The following DST variants were observed in gnomAD, a reference collection of about 807,000 sequenced individuals.
The protein encoded by DST is dystonin, also known as bullous pemphigoid antigen.
DST carries 253 observed loss-of-function variants against 875.2 expected under a neutral mutation model. That is an observed-to-expected ratio of 0.29 (90% confidence interval 0.26 to 0.32). The LOEUF (loss-of-function observed/expected upper bound fraction) is 0.32, where lower values mean the gene tolerates loss of function less well. Among genes scored for constraint, DST ranks in the 10% least tolerant of loss-of-function variants. The pLI, the probability that DST is intolerant of heterozygous loss-of-function variation, is 1.00. For synonymous variants in DST, 3,124 were observed against 3,197.1 expected, an observed-to-expected ratio of 0.98 and a Z score of 0.77; for missense variants, 8,287 against 9,111.6, an observed-to-expected ratio of 0.91 and a Z score of 3.68.
chr6:56,540,797 T>A (rs746359521), intron 61 of DST: 5 of 152,766 alleles, frequency 3.3e-5, no homozygotes, highest in Non-Finnish European at 5.9e-5. Flanking sequence ...TGGAGAAACA[T>A]CATGTAAAAT....
At chr6:56,807,190 AGAG>A (rs1289007643) in intron 4 of DST, among the ~76,000 whole-genome samples, 2 of 151,990 alleles carry the variant, frequency 1.3e-5, no homozygotes, top group Non-Finnish European at 2.9e-5. Context: ...AGCCTGGACT[AGAG>A]GTGTGTGTTT....
chr6:56,889,937 G>A lies in DST; in HGVS notation c.417+10484C>T, dbSNP rs138156518. On this transcript the variant is annotated intron_variant, in intron 3 of 103. Transcript: ENST00000680361. ...CTATGGTTTTCAATACCATTTTAAA[G>A]ATAGGTTTTAATTGATGTAATAGTT... Among the ~76,000 whole-genome samples, 354 of 152,304 alleles carry A rather than the reference G, an allele frequency of 2.3e-3. 4 individuals carry two copies. The highest frequency in any genetic ancestry group is 0.014 in the Middle Eastern group (4 of 294).
chr6:56,851,173 G>A (rs923289725), intron 4 of DST: 135 of 545,910 alleles, frequency 2.5e-4, no homozygotes, highest in African/African-American at 2.5e-3. Context: ...GAATCGATTC[G>A]TCCAACCAGA....
rs562013952 is a variant in DST at position 56,815,935 on chromosome 6, T to C, written c.625+35462A>G. ...GACACAAAGATGATTTCATACAATT[T>C]GGGTATCTGATAACAAAATGATGAA... On this transcript the variant is annotated intron_variant, in intron 4 of 103. Coordinates refer to ENST00000680361, the MANE Select transcript of DST (RefSeq NM_001374736.1). Among the ~76,000 whole-genome samples, 36 of 152,290 alleles carry C rather than the reference T, an allele frequency of 2.4e-4. 1 individual carries two copies. The South Asian group carries it at 7.5e-3, about 32-fold the overall frequency.
intron 67 of DST, among the ~76,000 whole-genome samples, chr6:56,528,595 G>C (rs1162741828): frequency 6.6e-6 from 1 of 152,166 alleles, no homozygotes; most frequent in African/African-American, 2.4e-5. Flanking sequence ...GAGCTCCTGT[G>C]CCAAAGTGCT....
chr6:56,863,734 C>T (rs1460293194), intron 3 of DST: 1 of 152,116 alleles, frequency 6.6e-6, no homozygotes, highest in East Asian at 1.9e-4. Context: ...TATCTGTGTC[C>T]ATAAAACAAT....
At position 56,607,314 on chromosome 6, in the gene DST, C is replaced by A. The variant is rs1201123624; in HGVS notation, c.7314G>T (p.Leu2438Phe). The A allele has an allele frequency of 1.2e-6, 2 of 1,613,310 alleles. No individual in the cohort carries two copies. The highest frequency in any genetic ancestry group is 4.5e-5 in the East Asian group (2 of 44,872). The change falls in exon 40 of 104, where the codon TTG becomes TTT. Residue 2438 changes from leucine (L) to phenylalanine (F), a missense_variant. By Grantham distance (22) the Leu-to-Phe change is conservative. Transcript: ENST00000680361. ...TGTGCATCAATTTATCATGACTTAA[C>A]AAGGCACTTAGCCTGGGGGAATAGT... Reference protein sequence around the residue: ...IFDYSPRLSALLSHDKLMHSQ... With the variant: ...IFDYSPRLSAFLSHDKLMHSQ...
intron 5 of DST, among the ~76,000 whole-genome samples, chr6:56,717,162 A>G (rs1011563238): frequency 6.6e-6 from 1 of 151,566 alleles, no homozygotes; most frequent in Admixed American, 6.6e-5. Flanking sequence ...CAGCCTGTGC[A>G]ACAGAGCGAG....
intron 4 of DST, among the ~76,000 whole-genome samples, chr6:56,825,979 A>G (rs2099779978): frequency 6.6e-6 from 1 of 152,260 alleles, no homozygotes; most frequent in Non-Finnish European, 1.5e-5. Context: ...AACACTATAT[A>G]TAATTTATTA....
At position 56,785,095 on chromosome 6, in the gene DST, T is replaced by C. The variant is rs140121804; in HGVS notation, c.626-49806A>G. Reference sequence around the variant, plus strand: ...TGATCGTTCCTCTGGAAGTTTTGTCTCAGAGGAGTACCCGGCCGTGCGAGG... The same window carrying C: ...TGATCGTTCCTCTGGAAGTTTTGTCCCAGAGGAGTACCCGGCCGTGCGAGG... On this transcript the variant is annotated intron_variant, in intron 4 of 103. Coordinates refer to ENST00000680361, the MANE Select transcript of DST (RefSeq NM_001374736.1). 8.1e-3 allele frequency among the ~76,000 whole-genome samples: 1,234 copies of C among 152,252 alleles called. 23 individuals are homozygous for C. Among genetic ancestry groups the C allele is most frequent in the East Asian group, 0.019 (100 of 5,174 alleles).
chr6:56,904,275 C>T lies in DST; in HGVS notation c.217-3654G>A, dbSNP rs1795387476. 2.0e-5 allele frequency among the ~76,000 whole-genome samples: 3 copies of T among 152,094 alleles called. No individual in the cohort carries two copies. The South Asian group carries it at 6.2e-4, about 32-fold the overall frequency. ...TTGAAGACAGACACATGTGAGGTACCGATCATTAGGAGAGAGTTCTTTGTT... is the reference window on the plus strand; with the variant it reads ...TTGAAGACAGACACATGTGAGGTACTGATCATTAGGAGAGAGTTCTTTGTT... On this transcript the variant is annotated intron_variant, in intron 2 of 103. Coordinates refer to ENST00000680361, the MANE Select transcript of DST (RefSeq NM_001374736.1).
At chr6:56,848,099 T>G (rs1384163111) in intron 4 of DST, among the ~76,000 whole-genome samples, 1 of 152,254 alleles carries the variant, frequency 6.6e-6, no homozygotes, top group East Asian at 1.9e-4. Flanking sequence ...GATATCCTAC[T>G]CTGCTATGGA....
At chr6:56,771,186 G>T (rs995615765) in intron 4 of DST, among the ~76,000 whole-genome samples, 1 of 151,502 alleles carries the variant, frequency 6.6e-6, no homozygotes, top group African/African-American at 2.4e-5. Context: ...ACAATTACTA[G>T]GAGGAATCTT....
At chr6:56,642,673 G>A in intron 15 of DST, 170 bp from the exon 16 acceptor site, 1 of 1,614,160 alleles carries the variant, frequency 6.2e-7, no homozygotes, top group Non-Finnish European at 8.5e-7. Context: ...GTTGATCAGT[G>A]TTGGACCACA....
chr6:56,618,948 G>A lies in DST; in HGVS notation c.4930-4464C>T, dbSNP rs528907932. ...AGCTGAACTTTCTGCTCCCCGCGTC[G>A]CTTCTCTTCTTTGGAAGCATTCAGT... On this transcript the variant is annotated intron_variant, in intron 36 of 103. Coordinates refer to ENST00000680361, the MANE Select transcript of DST (RefSeq NM_001374736.1). The A allele has an allele frequency of 1.7e-5, 28 of 1,614,086 alleles. No individual in the cohort carries two copies. Among genetic ancestry groups the A allele is most frequent in the African/African-American group, 8.0e-5 (6 of 75,000 alleles).
At chr6:56,635,988 C>T (rs1203618513) in intron 23 of DST, among the ~76,000 whole-genome samples, 1 of 152,114 alleles carries the variant, frequency 6.6e-6, no homozygotes, top group African/African-American at 2.4e-5. Context: ...AGGATTTAAA[C>T]AATTTTTAAG....
intron 102 of DST, 113 bp from the exon 103 acceptor site, chr6:56,460,367 G>A: frequency 9.2e-7 from 1 of 1,090,210 alleles, no homozygotes; most frequent in Non-Finnish European, 1.3e-6. Context: ...CTCTTTAGGA[G>A]GTGAAGGGGG....
chr6:56,724,230 A>G (rs1357116871), intron 5 of DST, among the ~76,000 whole-genome samples: 1 of 152,214 alleles, frequency 6.6e-6, no homozygotes, highest in African/African-American at 2.4e-5. Context: ...CTATGAGGTA[A>G]AAGAAAGGAT....
intron 4 of DST, among the ~76,000 whole-genome samples, chr6:56,776,606 T>C (rs1305507963): frequency 6.6e-6 from 1 of 152,164 alleles, no homozygotes; most frequent in African/African-American, 2.4e-5. Context: ...TTTAATACTA[T>C]TGTAAAATCT....
Sources: allele counts gnomAD v4.1 joint callset (sites outside exome capture counted in the v4.1 genomes callset), GRCh38; gene constraint gnomAD v4.1.1; transcripts MANE v1.5; gene names NCBI Gene and HGNC (gene_info 2026-07-23, HGNC 2026-07-21).